NVL: variants seen among roughly 807,000 people sequenced by gnomAD.
The protein encoded by NVL is nuclear valosin-containing protein-like.
Under a neutral mutation model 110.2 loss-of-function variants are expected in NVL, and 84 were observed. The ratio of observed to expected loss-of-function variants is 0.76; its 90% CI spans 0.64 to 0.91. NVL has a LOEUF of 0.91. Ranked by LOEUF, NVL falls within the 40% of genes least tolerant of loss-of-function variation. The pLI, the probability that NVL is intolerant of heterozygous loss-of-function variation, is 0.00. For synonymous variants in NVL, 354 were observed against 361.1 expected (o/e 0.98, Z 0.22); for missense variants, 882 against 1,035.9 (o/e 0.85, Z 2.04).
intron 18 of NVL, chr1:224,256,950 G>A (rs894448807): frequency 2.8e-5 from 13 of 457,752 alleles, no homozygotes; most frequent in Middle Eastern, 3.3e-4. Context: ...GCTATCACCC[G>A]GCTCAAACCA....
At chr1:224,251,146 C>T (rs1004440838) in intron 18 of NVL, among the ~76,000 whole-genome samples, 11 of 151,326 alleles carry the variant, frequency 7.3e-5, no homozygotes, top group Non-Finnish European at 1.3e-4. Flanking sequence ...TGATGGCACA[C>T]ACCTGTAATC....
rs768089062 is a variant in NVL at position 224,300,514 on chromosome 1, T to C, written c.1062+48A>G. 9.7e-6 allele frequency: 13 copies of C among 1,335,752 alleles called. No individual in the cohort carries two copies. In the South Asian group the frequency reaches 1.7e-4, roughly 17 times the overall value. 82.7% of individuals were successfully genotyped at this position (1,335,752 alleles called of 1,614,324 possible). A position where few individuals can be genotyped will look rare whatever the true frequency, so the allele number is the denominator to read the frequency against. On this transcript the variant is annotated intron_variant, in intron 10 of 22. Transcript: ENST00000281701. Reference sequence around the variant, plus strand: ...ATCAGAAAAAGCAGGATCTTTAATATAAGCTGGTAGCGTCTGACCACCTGG... The same window carrying C: ...ATCAGAAAAAGCAGGATCTTTAATACAAGCTGGTAGCGTCTGACCACCTGG...
chr1:224,246,245 G>C (rs1558248785), intron 19 of NVL, among the ~76,000 whole-genome samples: 2 of 151,608 alleles, frequency 1.3e-5, no homozygotes, highest in Non-Finnish European at 2.9e-5. Context: ...GGCCAGGCTG[G>C]TCTTGAACTC....
chr1:224,250,345 T>A (rs1003117083), intron 18 of NVL, 27 bp from the exon 19 acceptor site: 2 of 1,519,988 alleles, frequency 1.3e-6, no homozygotes, highest in African/African-American at 2.9e-5. Context: ...AAAAAAAGTC[T>A]TAAATAAAAC....
chr1:224,303,746 AT>A lies in NVL; in HGVS notation c.936del (p.Leu313TyrfsTer15). ...LLHGPPGCGK[T>X]LLAHAIAGEL... ...ACCCCAGCAATTGCATGTGCAAGTA[AT>A]GTCTTCCCACAGCCTGGTGGTCCAT... is the stretch of plus-strand genomic sequence containing the variant. On this transcript the variant is annotated frameshift_variant, in exon 9 of 23. Coordinates refer to ENST00000281701, the MANE Select transcript of NVL (RefSeq NM_002533.4). LOFTEE classifies it high-confidence loss of function. 6.2e-7 allele frequency: 1 copy of A among 1,613,512 alleles called. No individual in the cohort carries two copies. Among genetic ancestry groups the A allele is most frequent in the Non-Finnish European group, 8.5e-7 (1 of 1,179,710 alleles).
intron 10 of NVL, chr1:224,298,701 A>G (rs1212500406): frequency 6.6e-6 from 1 of 152,488 alleles, no homozygotes; most frequent in Non-Finnish European, 1.5e-5. Flanking sequence ...GCAAATTTAA[A>G]TTGTTGTCCT....
At chr1:224,305,919 T>C (rs532992429) in intron 6 of NVL, among the ~76,000 whole-genome samples, 1 of 152,266 alleles carries the variant, frequency 6.6e-6, no homozygotes, top group Non-Finnish European at 1.5e-5. Context: ...TGGAATAATC[T>C]GCCTTGTATG....
intron 4 of NVL, among the ~76,000 whole-genome samples, chr1:224,314,666 T>C (rs906722635): frequency 3.3e-5 from 5 of 152,134 alleles, no homozygotes; most frequent in African/African-American, 1.2e-4. Context: ...ATTTCCATAA[T>C]GTGTTTTCAT....
chr1:224,307,533 C>T (rs1423221496), intron 6 of NVL, among the ~76,000 whole-genome samples: 1 of 151,984 alleles, frequency 6.6e-6, no homozygotes, highest in Admixed American at 6.6e-5. Flanking sequence ...AAAACACCAT[C>T]TCTAGAAAAG....
chr1:224,246,338 G>C (rs1223538905), intron 19 of NVL, among the ~76,000 whole-genome samples: 1 of 152,082 alleles, frequency 6.6e-6, no homozygotes, highest in African/African-American at 2.4e-5. Flanking sequence ...CCGAAGTGGG[G>C]TACTTTAAAT....
At chr1:224,246,316 C>T (rs1661816164) in intron 19 of NVL, among the ~76,000 whole-genome samples, 1 of 152,216 alleles carries the variant, frequency 6.6e-6, no homozygotes, top group African/African-American at 2.4e-5. Flanking sequence ...AGGCATGAAC[C>T]ACTGTGCCTG....
intron 16 of NVL, among the ~76,000 whole-genome samples, chr1:224,280,170 T>G (rs55675086): frequency 0.05 from 7,062 of 141,616 alleles, 187 homozygotes; most frequent in East Asian, 0.1. Context: ...TGTACTGCTG[T>G]TTTTTTTTGT....
chr1:224,241,727 T>G (rs10799552), intron 19 of NVL, among the ~76,000 whole-genome samples: 151,999 of 152,028 alleles, frequency 1, 75,985 homozygotes, highest in Middle Eastern at 1. Context: ...GTGGTGGCAG[T>G]TGCCTGTAAT....
intron 18 of NVL, among the ~76,000 whole-genome samples, chr1:224,255,482 G>A (rs577429498): frequency 3.3e-5 from 5 of 152,240 alleles, no homozygotes; most frequent in Non-Finnish European, 4.4e-5. Flanking sequence ...GTGAGCCACC[G>A]CGCCTGGCCT....
chr1:224,286,214 G>GTT, intron 14 of NVL, 84 bp from the exon 15 acceptor site: 2 of 1,004,572 alleles, frequency 2.0e-6, no homozygotes, highest in Admixed American at 4.9e-5. Context: ...CATATTTTAT[G>GTT]GTTTTTTTTT....
chr1:224,237,730 CTTT>C (rs775411063), intron 19 of NVL, among the ~76,000 whole-genome samples: 3 of 130,080 alleles, frequency 2.3e-5, no homozygotes, highest in African/African-American at 8.6e-5. Flanking sequence ...TGCCTGGCTA[CTTT>C]TTTTTTTTTT....
chr1:224,311,602 T>C (rs1018947508), intron 5 of NVL, among the ~76,000 whole-genome samples, 198 bp downstream of exon 5: 1 of 152,050 alleles, frequency 6.6e-6, no homozygotes, highest in African/African-American at 2.4e-5. Flanking sequence ...ATACTTTTTA[T>C]AGAGACAAGG....
Position 224,289,623 on chromosome 1 carries a change from C to T in NVL, c.1436G>A (p.Arg479Gln), listed in dbSNP as rs769948002. 16 of 1,614,098 alleles carry T rather than the reference C, an allele frequency of 9.9e-6. No homozygotes were observed. The highest frequency in any genetic ancestry group is 5.3e-5 in the African/African-American group (4 of 74,942). ...FVGADLMALC[R>Q]EAAMCAVNRV... ...ATTGACTGCACACATTGCTGCCTCT[C>T]GGCACAGTGCCATGAGATCAGCACC... Residue 479 changes from arginine to glutamine, a missense_variant, in exon 13 of 23, where the codon CGA (arginine) becomes CAA (glutamine). Transcript: ENST00000281701.
At chr1:224,279,504 T>C (rs2102585479) in intron 16 of NVL, among the ~76,000 whole-genome samples, 1 of 151,654 alleles carries the variant, frequency 6.6e-6, no homozygotes, top group African/African-American at 2.4e-5. Flanking sequence ...TTTAAAGGGG[T>C]TTTTTGTTTG....
Sources: allele counts gnomAD v4.1 joint callset (sites outside exome capture counted in the v4.1 genomes callset), GRCh38; gene constraint gnomAD v4.1.1; transcripts MANE v1.5; gene names NCBI Gene and HGNC (gene_info 2026-07-23, HGNC 2026-07-21).